The following NXPH1 variants were observed in gnomAD, a reference collection of about 807,000 sequenced individuals.
The protein encoded by NXPH1 is neurexophilin-1.
A neutral mutation model predicts 23.7 loss-of-function variants in NXPH1; 5 were observed. The ratio of observed to expected loss-of-function variants is 0.21; its 90% confidence interval spans 0.11 to 0.44. The LOEUF (loss-of-function observed/expected upper bound fraction) is 0.44. Among genes scored for constraint, NXPH1 ranks in the 20% least tolerant of loss-of-function variants. The probability of loss-of-function intolerance (pLI) is 0.99; values close to 1 mark genes in which losing one functional copy is unlikely to be tolerated. For missense variants in NXPH1, 324 were observed against 321.6 expected, an observed-to-expected ratio of 1.01 and a Z score of -0.06; for synonymous variants, 144 against 122.2, an observed-to-expected ratio of 1.18 and a Z score of -1.18.
At chr7:8,680,063 C>G (rs1267580524) in intron 2 of NXPH1, among the ~76,000 whole-genome samples, 1 of 152,228 alleles carries the variant, frequency 6.6e-6, no homozygotes, top group Non-Finnish European at 1.5e-5. Flanking sequence ...TGTTTTCAGA[C>G]ACGGAGTGGT....
chr7:8,478,893 A>G (rs12669263), intron 2 of NXPH1, among the ~76,000 whole-genome samples: 60,997 of 151,878 alleles, frequency 0.4, 12,676 homozygotes, highest in East Asian at 0.64. Context: ...TTATATCTAG[A>G]AAAACTGACT....
intron 2 of NXPH1, among the ~76,000 whole-genome samples, chr7:8,740,644 G>C (rs1432834298): frequency 6.6e-6 from 1 of 151,976 alleles, no homozygotes; most frequent in Non-Finnish European, 1.5e-5. Flanking sequence ...ATGCAGCTCT[G>C]TGGTACCTGA....
At chr7:8,566,516 T>G (rs916234905) in intron 2 of NXPH1, among the ~76,000 whole-genome samples, 9 of 151,758 alleles carry the variant, frequency 5.9e-5, no homozygotes, top group Admixed American at 5.9e-4. Context: ...ATCTAATGTG[T>G]TGGAGCCTTG....
chr7:8,580,734 C>CT (rs57339152), intron 2 of NXPH1, among the ~76,000 whole-genome samples: 54,725 of 149,444 alleles, frequency 0.37, 11,447 homozygotes, highest in African/African-American at 0.59. Context: ...GTGTTGGTCA[C>CT]TTTTTTTTTT....
chr7:8,653,813 T>C (rs1053239414), intron 2 of NXPH1, among the ~76,000 whole-genome samples: 8 of 152,226 alleles, frequency 5.3e-5, no homozygotes, highest in African/African-American at 1.9e-4. Context: ...AAACATGATA[T>C]ACCATTGGAC....
chr7:8,557,162 T>A (rs1818371208), intron 2 of NXPH1, among the ~76,000 whole-genome samples: 1 of 151,678 alleles, frequency 6.6e-6, no homozygotes, highest in Admixed American at 6.6e-5. Context: ...GGTCCATACA[T>A]GTGCTTATGG....
intron 2 of NXPH1, among the ~76,000 whole-genome samples, chr7:8,738,980 C>T (rs913768101): frequency 6.6e-6 from 1 of 151,910 alleles, no homozygotes; most frequent in Non-Finnish European, 1.5e-5. Flanking sequence ...CTCTCCCCAC[C>T]AAGCTCAAGC....
chr7:8,704,157 T>C (rs972781518), intron 2 of NXPH1, among the ~76,000 whole-genome samples: 1 of 152,098 alleles, frequency 6.6e-6, no homozygotes, highest in Non-Finnish European at 1.5e-5. Flanking sequence ...GTTTGTTTAG[T>C]ATTTTAGTTC....
At chr7:8,635,485 T>C (rs1343051878) in intron 2 of NXPH1, among the ~76,000 whole-genome samples, 1 of 152,178 alleles carries the variant, frequency 6.6e-6, no homozygotes, top group Non-Finnish European at 1.5e-5. Flanking sequence ...TAGTGATTGG[T>C]TTCTGGTATT....
rs1364574331 is a variant in NXPH1 at position 8,435,699 on chromosome 7, T to C, written c.-15T>C. The C allele has an allele frequency of 2.5e-6, 4 of 1,613,734 alleles. No individual in the cohort carries two copies. The highest frequency in any genetic ancestry group is 2.2e-5 in the East Asian group (1 of 44,872). On this transcript the variant is annotated 5_prime_UTR_variant, in exon 2 of 3. Coordinates refer to ENST00000405863, the MANE Select transcript of NXPH1 (RefSeq NM_152745.3). This position sits in a 1 kb window ranked among gnomAD's most constrained non-coding sequence, Gnocchi z 5.9. ...TCAAAGAAGGCACCGCCAAGGAAGT[T>C]TGAGACGCGGGAGAATGCAGGCTGC...
Position 8,683,584 on chromosome 7 carries a change from T to TC in NXPH1, c.55-67423dup, listed in dbSNP as rs1376145029. On this transcript the variant is annotated intron_variant, in intron 2 of 2. Coordinates refer to ENST00000405863, the MANE Select transcript of NXPH1 (RefSeq NM_152745.3). ...TGGTAAAATGCTACAACTGACAAGA[T>TC]CATTTCTGGGTTTGCCATTTATAGT... 1.3e-4 allele frequency among the ~76,000 whole-genome samples: 20 copies of TC among 152,204 alleles called. 1 individual carries two copies. The highest frequency in any genetic ancestry group is 4.8e-4 in the African/African-American group (20 of 41,466).
intron 2 of NXPH1, among the ~76,000 whole-genome samples, chr7:8,728,417 A>C (rs1025040182): frequency 2.6e-5 from 4 of 152,128 alleles, no homozygotes; most frequent in African/African-American, 7.2e-5. Context: ...GTCTTGTGCC[A>C]GTTTTCAAAG....
chr7:8,604,478 C>T (rs1226658995), intron 2 of NXPH1, among the ~76,000 whole-genome samples: 2 of 152,004 alleles, frequency 1.3e-5, no homozygotes, highest in East Asian at 3.9e-4. Context: ...TGTATGATTT[C>T]CTTTCTTTGT....
intron 2 of NXPH1, among the ~76,000 whole-genome samples, chr7:8,568,460 T>C (rs1274800156): frequency 2.6e-5 from 4 of 151,862 alleles, no homozygotes; most frequent in East Asian, 1.9e-4. Flanking sequence ...GAAGGCTGTA[T>C]TTTGTATGTA....
intron 2 of NXPH1, among the ~76,000 whole-genome samples, chr7:8,443,239 A>C (rs77535525): frequency 0.045 from 6,777 of 152,242 alleles, 150 homozygotes; most frequent in Middle Eastern, 0.058. Context: ...TACCACACTC[A>C]GTGGTTGCGG....
chr7:8,471,254 G>T (rs573247141), intron 2 of NXPH1, among the ~76,000 whole-genome samples: 7 of 152,292 alleles, frequency 4.6e-5, no homozygotes, highest in African/African-American at 1.7e-4. Context: ...GGCCAATGTG[G>T]CGGTACTCTA....
intron 2 of NXPH1, among the ~76,000 whole-genome samples, chr7:8,567,172 A>T (rs959504800): frequency 2.0e-5 from 3 of 151,908 alleles, no homozygotes; most frequent in African/African-American, 7.2e-5. Context: ...AACTCTAAAT[A>T]TGATTTTATC....
At chr7:8,634,167 C>T (rs10231309) in intron 2 of NXPH1, among the ~76,000 whole-genome samples, 320 of 152,238 alleles carry the variant, frequency 2.1e-3, no homozygotes, top group African/African-American at 7.4e-3. Context: ...CCATAATCCC[C>T]ACGTATCATG....
intron 2 of NXPH1, among the ~76,000 whole-genome samples, chr7:8,629,887 T>A (rs1820088246): frequency 6.6e-6 from 1 of 152,188 alleles, no homozygotes; most frequent in South Asian, 2.1e-4. Flanking sequence ...ATAGATAATT[T>A]AGGTCCTACA....
Sources: gnomAD v4.1 joint callset for allele counts (sites outside exome capture counted in the v4.1 genomes callset) on GRCh38, gnomAD v4.1.1 for gene constraint, Gnocchi (gnomAD v3.1) non-coding constraint, MANE v1.5 for transcripts, NCBI Gene and HGNC (gene_info 2026-07-23, HGNC 2026-07-21) for gene names.